The following HECW1 variants were observed in gnomAD, a reference collection of about 807,000 sequenced individuals.
HECW1 encodes the protein HECT, C2 and WW domain containing E3 ubiquitin protein ligase 1, also known as E3 ubiquitin-protein ligase HECW1.
HECW1 carries 61 observed loss-of-function variants against 182.3 expected under a neutral mutation model. That is an observed-to-expected ratio of 0.33 (90% CI 0.27 to 0.41). The LOEUF (loss-of-function observed/expected upper bound fraction) is 0.41. Ranked by LOEUF, HECW1 falls within the 10% of genes least tolerant of loss-of-function variation. HECW1 has a pLI of 1.00. For synonymous variants in HECW1, 859 were observed against 832.6 expected (o/e 1.03, Z -0.55); for missense variants, 1,739 against 2,108.9 (o/e 0.82, Z 3.44).
chr7:43,207,258 G>C (rs980887733), intron 2 of HECW1, among the ~76,000 whole-genome samples: 16 of 152,104 alleles, frequency 1.1e-4, no homozygotes, highest in African/African-American at 3.9e-4. Context: ...TGTTGGCCAG[G>C]CTGGTCTCGA....
At chr7:43,385,132 C>T (rs2074715542) in intron 6 of HECW1, among the ~76,000 whole-genome samples, 1 of 150,516 alleles carries the variant, frequency 6.6e-6, no homozygotes, top group Non-Finnish European at 1.5e-5. Context: ...TCTCTCTTTC[C>T]CTCAACACCC....
chr7:43,460,792 A>G lies in HECW1; in HGVS notation c.2652-2868A>G, dbSNP rs2077557186. Among the ~76,000 whole-genome samples the G allele has an allele frequency of 5.9e-5, 9 of 152,282 alleles. No homozygotes were observed. In the South Asian group the frequency reaches 1.9e-3, roughly 32 times the overall value. On this transcript the variant is annotated intron_variant, in intron 13 of 29. Transcript: ENST00000395891. ...CTGAAAGACTGAGAGACCCTCCTCA[A>G]GTCACTGCATGACCTGCTTCCCCAA...
rs139425230 is a variant in HECW1, at chr7:43,525,023, G to A, written c.4019+15902G>A. 3.1e-3 allele frequency among the ~76,000 whole-genome samples: 477 copies of A among 152,056 alleles called. 4 individuals carry two copies. Among genetic ancestry groups the A allele is most frequent in the African/African-American group, 0.011 (463 of 41,466 alleles). On this transcript the variant is annotated intron_variant, in intron 24 of 29. Coordinates refer to ENST00000395891, the MANE Select transcript of HECW1 (RefSeq NM_015052.5). Reference sequence around the variant, plus strand: ...ATTTCAGCATCCTAATATAAAATAGGGATTAAAAATTATGCTTTATTTGTT... The same window carrying A: ...ATTTCAGCATCCTAATATAAAATAGAGATTAAAAATTATGCTTTATTTGTT...
intron 8 of HECW1, among the ~76,000 whole-genome samples, chr7:43,429,906 T>G (rs1283079820): frequency 6.6e-6 from 1 of 152,238 alleles, no homozygotes; most frequent in East Asian, 1.9e-4. Flanking sequence ...CTAACTGATG[T>G]CATGACCTAT....
chr7:43,445,336 G>A lies in HECW1; in HGVS notation c.2164G>A (p.Val722Met), dbSNP rs1298572393. 1.3e-5 allele frequency: 21 copies of A among 1,613,800 alleles called. No individual in the cohort carries two copies. Among genetic ancestry groups the A allele is most frequent in the Non-Finnish European group, 1.7e-5 (20 of 1,180,030 alleles). Residue 722 changes from valine to methionine, a missense_variant, in exon 11 of 30, where the codon GTG becomes ATG. By Grantham distance (21) the Val-to-Met change is conservative. Transcript: ENST00000395891. ...RFASHTRFSS[V>M]DSAKISESTV... Reference sequence around the variant, plus strand: ...CGCCAGCCACACGCGCTTCTCCTCCGTGGACAGCGCCAAGATCTCCGAGAG... The same window carrying A: ...CGCCAGCCACACGCGCTTCTCCTCCATGGACAGCGCCAAGATCTCCGAGAG...
intron 4 of HECW1, among the ~76,000 whole-genome samples, chr7:43,316,112 G>C (rs1809209356): frequency 6.6e-6 from 1 of 151,942 alleles, no homozygotes; most frequent in Non-Finnish European, 1.5e-5. Flanking sequence ...TTGTTTCTTA[G>C]GTATGTCTGT....
chr7:43,506,492 T>C (rs1445761345), intron 21 of HECW1, among the ~76,000 whole-genome samples: 5 of 152,216 alleles, frequency 3.3e-5, no homozygotes, highest in Admixed American at 6.5e-5. Context: ...ATTATTTTTA[T>C]ACTTTAGTAT....
intron 3 of HECW1, among the ~76,000 whole-genome samples, chr7:43,265,885 C>G (rs942809625): frequency 6.6e-6 from 1 of 152,150 alleles, no homozygotes; most frequent in South Asian, 2.1e-4. Flanking sequence ...CAGGGAAGAA[C>G]TATACTTACT....
chr7:43,217,472 A>G (rs1207885620), intron 2 of HECW1, among the ~76,000 whole-genome samples: 1 of 152,220 alleles, frequency 6.6e-6, no homozygotes, highest in African/African-American at 2.4e-5. Flanking sequence ...TATCAAATTA[A>G]TGAGAGATAC....
intron 2 of HECW1, among the ~76,000 whole-genome samples, chr7:43,129,508 C>A (rs1786666838): frequency 6.6e-6 from 1 of 151,968 alleles, no homozygotes; most frequent in African/African-American, 2.4e-5. Flanking sequence ...TTTATGTGCA[C>A]CAGAAAAGCA....
chr7:43,323,549 A>G (rs1810393689), intron 5 of HECW1, among the ~76,000 whole-genome samples: 1 of 152,162 alleles, frequency 6.6e-6, no homozygotes, highest in African/African-American at 2.4e-5. Flanking sequence ...TAGTGCCACT[A>G]AACTCTAGCC....
At chr7:43,449,537 C>T (rs1461575308) in intron 11 of HECW1, among the ~76,000 whole-genome samples, 3 of 152,132 alleles carry the variant, frequency 2.0e-5, no homozygotes, top group African/African-American at 4.8e-5. Flanking sequence ...TGATCAGTTC[C>T]GTAGAACTAG....
chr7:43,514,579 G>A (rs538593302), intron 24 of HECW1, among the ~76,000 whole-genome samples: 3 of 152,236 alleles, frequency 2.0e-5, no homozygotes, highest in East Asian at 1.9e-4. Context: ...GTGAGCCAAC[G>A]TGCCCAGCCT....
At chr7:43,360,639 C>T (rs915114717) in intron 5 of HECW1, among the ~76,000 whole-genome samples, 1 of 152,134 alleles carries the variant, frequency 6.6e-6, no homozygotes, top group Non-Finnish European at 1.5e-5. Flanking sequence ...AGGATGGATG[C>T]TGAGAAGTCT....
At position 43,565,708 on chromosome 7, in the gene HECW1, T is replaced by C. The variant is rs1300040140; in HGVS notation, c.*3782T>C. The C allele has an allele frequency of 5.4e-6, 1 of 184,318 alleles. No homozygotes were observed. Among genetic ancestry groups the C allele is most frequent in the Non-Finnish European group, 1.2e-5 (1 of 86,932 alleles). 11.4% of individuals were successfully genotyped at this position (184,318 alleles called of 1,614,324 possible). On this transcript the variant is annotated 3_prime_UTR_variant, in exon 30 of 30. Transcript: ENST00000395891. ...CAAAAGAAAAGAGAAAGTGTTATTTTCCTGTTAGTGACATGTAGTCCCTTT... is the reference window on the plus strand; with the variant it reads ...CAAAAGAAAAGAGAAAGTGTTATTTCCCTGTTAGTGACATGTAGTCCCTTT...
chr7:43,396,937 C>A, intron 7 of HECW1, 48 bp downstream of exon 7: 2 of 1,366,960 alleles, frequency 1.5e-6, no homozygotes, highest in Non-Finnish European at 2.1e-6. Flanking sequence ...AGAATGTCAA[C>A]CAAGAGTGAA....
chr7:43,314,725 C>T (rs768662951), intron 4 of HECW1, among the ~76,000 whole-genome samples: 16 of 152,322 alleles, frequency 1.1e-4, no homozygotes, highest in Admixed American at 2.6e-4. Flanking sequence ...ACACTTTCAA[C>T]GGCATAGCAT....
chr7:43,192,245 C>T (rs532736667), intron 2 of HECW1, among the ~76,000 whole-genome samples: 1 of 152,280 alleles, frequency 6.6e-6, no homozygotes, highest in South Asian at 2.1e-4. Flanking sequence ...AGGCGTGAGC[C>T]ACCACGCCTG....
chr7:43,483,693 C>T (rs1287850789), intron 17 of HECW1, among the ~76,000 whole-genome samples: 14 of 151,772 alleles, frequency 9.2e-5, no homozygotes, highest in African/African-American at 2.2e-4. Context: ...GGATTACAGG[C>T]GTGCACCACC....
Sources: gnomAD v4.1 joint callset for allele counts (sites outside exome capture counted in the v4.1 genomes callset) on GRCh38, gnomAD v4.1.1 for gene constraint, MANE v1.5 for transcripts, NCBI Gene and HGNC (gene_info 2026-07-23, HGNC 2026-07-21) for gene names.